The following TRAK2 variants were observed in gnomAD, a reference collection of about 807,000 sequenced individuals.
TRAK2 encodes trafficking kinesin-binding protein 2.
TRAK2 carries 81 observed loss-of-function variants against 104.6 expected under a neutral mutation model. The ratio of observed to expected loss-of-function variants is 0.77; its 90% confidence interval spans 0.65 to 0.93. The LOEUF is 0.93. TRAK2 is among the 40% of genes least tolerant of loss of function. The pLI, the probability that TRAK2 is intolerant of heterozygous loss-of-function variation, is 0.00. For synonymous variants in TRAK2, 406 were observed against 394.4 expected, an observed-to-expected ratio of 1.03 and a Z score of -0.35; for missense variants, 1,002 against 1,089.0, an observed-to-expected ratio of 0.92 and a Z score of 1.12.
At chr2:201,413,752 C>G (rs1453011055) in intron 2 of TRAK2, among the ~76,000 whole-genome samples, 1 of 151,916 alleles carries the variant, frequency 6.6e-6, no homozygotes, top group East Asian at 1.9e-4. Context: ...AGCACTGTAC[C>G]CATTCTTGTT....
intron 1 of TRAK2, among the ~76,000 whole-genome samples, chr2:201,441,510 G>A (rs1282016939): frequency 1.3e-5 from 2 of 152,072 alleles, no homozygotes; most frequent in East Asian, 1.9e-4. Flanking sequence ...TAAAACAAAG[G>A]CAAATTCAGT....
chr2:201,387,247 T>C (rs560610711), intron 13 of TRAK2, among the ~76,000 whole-genome samples: 7 of 152,250 alleles, frequency 4.6e-5, no homozygotes, highest in African/African-American at 1.7e-4. Flanking sequence ...TAGGAGAGTA[T>C]AGAAACTAAA....
At position 201,392,893 on chromosome 2, in the gene TRAK2, T is replaced by C. The variant is rs1339729074; in HGVS notation, c.1113+16A>G. 6.2e-7 allele frequency: 1 copy of C among 1,604,974 alleles called. No individual in the cohort carries two copies. Reference sequence around the variant, plus strand: ...CAAATTTCTTTAAATACATAGCATCTTTCTTAGTTGCTTACCCCAGTAAAA... The same window carrying C: ...CAAATTTCTTTAAATACATAGCATCCTTCTTAGTTGCTTACCCCAGTAAAA... On this transcript the variant is annotated intron_variant, in intron 10 of 15. Transcript: ENST00000332624.
chr2:201,418,379 T>C (rs1424757068), intron 2 of TRAK2, among the ~76,000 whole-genome samples: 1 of 152,188 alleles, frequency 6.6e-6, no homozygotes, highest in Non-Finnish European at 1.5e-5. Context: ...TCTCATTATG[T>C]TGCGCAGGCT....
intron 2 of TRAK2, chr2:201,413,385 AC>A: frequency 7.1e-6 from 4 of 565,062 alleles, no homozygotes; most frequent in Non-Finnish European, 6.0e-6. Context: ...CTTTTTCCCC[AC>A]CCCCCTAAAC....
chr2:201,398,416 C>A, intron 5 of TRAK2, 62 bp from the exon 6 acceptor site: 2 of 1,379,120 alleles, frequency 1.5e-6, no homozygotes, highest in South Asian at 1.3e-5. Flanking sequence ...AGCAATATAG[C>A]TTCTAATTCA....
At chr2:201,390,563 C>CAAA (rs566298441) in intron 10 of TRAK2, among the ~76,000 whole-genome samples, 38 of 87,168 alleles carry the variant, frequency 4.4e-4, no homozygotes, top group African/African-American at 1.5e-3. Flanking sequence ...GACTCCGTCT[C>CAAA]AAAAAAAAAA....
rs1180177527 is a variant in TRAK2, at chr2:201,434,279, T to C, written c.-199-13573A>G. 3.9e-5 allele frequency among the ~76,000 whole-genome samples: 6 copies of C among 152,282 alleles called. 1 individual carries two copies. In the South Asian group the frequency reaches 1.0e-3, roughly 26 times the overall value. On this transcript the variant is annotated intron_variant, in intron 1 of 15. Transcript: ENST00000332624. ...GCCCATAATCATTCTTATCGTCCAATGATATATCTAAATCGGTGTTTCTCA... is the reference window on the plus strand; with the variant it reads ...GCCCATAATCATTCTTATCGTCCAACGATATATCTAAATCGGTGTTTCTCA...
chr2:201,440,034 T>A (rs1259741672), intron 1 of TRAK2, among the ~76,000 whole-genome samples: 2 of 149,726 alleles, frequency 1.3e-5, no homozygotes, highest in Admixed American at 6.7e-5. Flanking sequence ...TGTATACATA[T>A]GTAACTAACC....
At chr2:201,385,268 G>A (rs1951378238) in intron 14 of TRAK2, among the ~76,000 whole-genome samples, 1 of 151,960 alleles carries the variant, frequency 6.6e-6, no homozygotes, top group Admixed American at 6.6e-5. Context: ...AATGACCAAC[G>A]CATGATCTTA....
At chr2:201,390,327 G>A (rs2349080) in intron 10 of TRAK2, among the ~76,000 whole-genome samples, 85,280 of 149,888 alleles carry the variant, frequency 0.57, 25,424 homozygotes, top group South Asian at 0.68. Context: ...GGTGGATCAC[G>A]AGGTCAGGAG....
At chr2:201,382,048 T>C (rs577651217) in intron 15 of TRAK2, among the ~76,000 whole-genome samples, 1 of 152,334 alleles carries the variant, frequency 6.6e-6, no homozygotes, top group African/African-American at 2.4e-5. Context: ...TCCGGGTATA[T>C]AGCCCCAGCT....
chr2:201,431,181 T>C (rs947365457), intron 1 of TRAK2, among the ~76,000 whole-genome samples: 1 of 152,250 alleles, frequency 6.6e-6, no homozygotes. Context: ...CATTCCTTCA[T>C]GGGTCTGAGG....
rs1951328307 is a variant in TRAK2 at position 201,380,443 on chromosome 2, C to G, written c.*100G>C. 8.1e-7 allele frequency: 1 copy of G among 1,227,142 alleles called. No homozygotes were observed. The highest frequency in any genetic ancestry group is 2.5e-5 in the East Asian group (1 of 39,978). The allele number at this position is 1,227,142 out of a possible 1,614,324, so 76.0% of individuals were successfully genotyped here. A position where few individuals can be genotyped will look rare whatever the true frequency, so the allele number is the denominator to read the frequency against. Reference sequence around the variant, plus strand: ...CCCTTTCACATTCACAACCCTTGTGCAACATTCCTTTTCTCTCAAGTCAGA... The same window carrying G: ...CCCTTTCACATTCACAACCCTTGTGGAACATTCCTTTTCTCTCAAGTCAGA... On this transcript the variant is annotated 3_prime_UTR_variant, in exon 16 of 16. Coordinates refer to ENST00000332624, the MANE Select transcript of TRAK2 (RefSeq NM_015049.3).
At chr2:201,414,326 A>C (rs940843647) in intron 2 of TRAK2, among the ~76,000 whole-genome samples, 1 of 152,224 alleles carries the variant, frequency 6.6e-6, no homozygotes, top group African/African-American at 2.4e-5. Context: ...ACTAGGGCTT[A>C]AAATAGCGAA....
At chr2:201,405,415 C>T (rs1000593834) in intron 3 of TRAK2, among the ~76,000 whole-genome samples, 11 of 152,252 alleles carry the variant, frequency 7.2e-5, no homozygotes, top group Admixed American at 2.0e-4. Context: ...CTTTGGTTGG[C>T]AATGCTTTGT....
At chr2:201,412,200 C>A (rs1023759600) in intron 2 of TRAK2, 5 of 975,160 alleles carry the variant, frequency 5.1e-6, no homozygotes, top group African/African-American at 3.2e-5. Flanking sequence ...GAAGTCAAAT[C>A]AAAATTCTCT....
intron 1 of TRAK2, among the ~76,000 whole-genome samples, chr2:201,451,066 G>A (rs943845140): frequency 1.3e-5 from 2 of 152,220 alleles, no homozygotes; most frequent in Non-Finnish European, 2.9e-5. Flanking sequence ...GATGGATGCT[G>A]TATGGCAGAG....
At position 201,379,417 on chromosome 2, in the gene TRAK2, A is replaced by G. The variant is rs1246310476; in HGVS notation, c.*1126T>C. Reference sequence around the variant, plus strand: ...GCAGATGTGTTTTATTTTATTTTACATTAGGAAGAAAAAACCACAATCTCA... The same window carrying G: ...GCAGATGTGTTTTATTTTATTTTACGTTAGGAAGAAAAAACCACAATCTCA... On this transcript the variant is annotated 3_prime_UTR_variant, in exon 16 of 16. Transcript: ENST00000332624. 1 of 152,612 alleles carries G rather than the reference A, an allele frequency of 6.6e-6. No homozygotes were observed. The highest frequency in any genetic ancestry group is 6.5e-5 in the Admixed American group (1 of 15,272). The allele number at this position is 152,612 out of a possible 1,614,324, so 9.5% of individuals were successfully genotyped here. A position where few individuals can be genotyped will look rare whatever the true frequency, so the allele number is the denominator to read the frequency against.
Sources: allele counts gnomAD v4.1 joint callset (sites outside exome capture counted in the v4.1 genomes callset), GRCh38; gene constraint gnomAD v4.1.1; transcripts MANE v1.5; gene names NCBI Gene and HGNC (gene_info 2026-07-23, HGNC 2026-07-21).